Variants in UHRF1 observed in about 807,000 individuals in gnomAD.
The protein encoded by UHRF1 is E3 ubiquitin-protein ligase UHRF1.
A neutral mutation model predicts 96.5 loss-of-function variants in UHRF1; 9 were observed. The observed-to-expected ratio is 0.09, with a 90% CI of 0.06 to 0.16. The LOEUF (loss-of-function observed/expected upper bound fraction) is 0.16. Among genes scored for constraint, UHRF1 ranks in the 10% least tolerant of loss-of-function variants. The pLI, the probability that UHRF1 is intolerant of heterozygous loss-of-function variation, is 1.00. For synonymous variants in UHRF1, 455 were observed against 469.9 expected (o/e 0.97, Z 0.41); for missense variants, 626 against 1,131.1 (o/e 0.55, Z 6.40).
At position 4,930,626 on chromosome 19, in the gene UHRF1, C is replaced by A; in HGVS notation, c.409-90C>A. ...GGGCATTCGAGTTTGCGCCCTGGTTCCAGAGCATCCCAGTGTCCGAGAACC... is the reference window on the plus strand; with the variant it reads ...GGGCATTCGAGTTTGCGCCCTGGTTACAGAGCATCCCAGTGTCCGAGAACC... On this transcript the variant is annotated intron_variant, in intron 3 of 16. Coordinates refer to ENST00000650932, the MANE Select transcript of UHRF1 (RefSeq NM_001048201.3). The surrounding 1 kb of genome is among the most constrained non-coding windows in gnomAD (Gnocchi z 4.4). 1 of 1,473,160 alleles carries A rather than the reference C, an allele frequency of 6.8e-7. No individual in the cohort carries two copies. The highest frequency in any genetic ancestry group is 9.2e-7 in the Non-Finnish European group (1 of 1,085,820). The allele number at this position is 1,473,160 out of a possible 1,614,324, so 91.3% of individuals were successfully genotyped here.
intron 10 of UHRF1, among the ~76,000 whole-genome samples, chr19:4,946,494 A>G (rs1389614199): frequency 6.6e-6 from 1 of 151,988 alleles, no homozygotes; most frequent in African/African-American, 2.4e-5. Flanking sequence ...CTGTACAAGT[A>G]TCTCCAGCCC....
chr19:4,912,642 T>C (rs187245435), intron 2 of UHRF1, among the ~76,000 whole-genome samples: 193 of 152,318 alleles, frequency 1.3e-3, no homozygotes, highest in Admixed American at 0.012. Context: ...CCAATCCATC[T>C]TTTTGGGATG....
rs977917246 is a variant in UHRF1 at position 4,956,789 on chromosome 19, C to T, written c.2211C>T (p.Thr737=). ...AGCTGGTGTTCCGGCCCATCACGAC[C>T]GTGTGCCAGCACAACGTGTGCAAGG... ...CQELVFRPIT[T]VCQHNVCKDC... is the part of the protein sequence containing the mutation. The change falls in exon 16 of 17, where the codon ACC becomes ACT. Residue 737 remains threonine (T), a synonymous_variant. Transcript: ENST00000650932. The T allele has an allele frequency of 1.2e-5, 19 of 1,609,322 alleles. No homozygotes were observed. Among genetic ancestry groups the T allele is most frequent in the Middle Eastern group, 1.6e-4 (1 of 6,074 alleles).
At chr19:4,953,268 C>T (rs1307097062) in intron 13 of UHRF1, among the ~76,000 whole-genome samples, 7 of 152,136 alleles carry the variant, frequency 4.6e-5, no homozygotes, top group Admixed American at 2.0e-4. Context: ...GGGGACACTT[C>T]GAAGGTCCTC....
intron 16 of UHRF1, 57 bp downstream of exon 16, chr19:4,956,870 T>A: frequency 8.0e-7 from 1 of 1,248,998 alleles, no homozygotes; most frequent in Non-Finnish European, 1.1e-6. Context: ...TGACCTGACC[T>A]CCCGTTCCCA....
rs764881716 is a variant in UHRF1, at chr19:4,932,764, A to G, written c.593A>G (p.Gln198Arg). Residue 198 changes from glutamine to arginine, a missense_variant, in exon 5 of 17, where the codon CAG becomes CGG. Physicochemically the swap from Gln to Arg is conservative, Grantham distance 43 (BLOSUM62 1). Around this residue, in one of 11 missense-constraint regions of UHRF1, gnomAD observed 198 missense variants for 235.1 expected, o/e 0.84. Transcript: ENST00000650932. ...YDDYPENGVV[Q>R]MNSRDVRARA... ...AGCTACCCGGAGAACGGCGTGGTCC[A>G]GATGAACTCCAGGGACGTCCGAGCG... The G allele has an allele frequency of 1.2e-6, 2 of 1,613,886 alleles. No individual in the cohort carries two copies. The highest frequency in any genetic ancestry group is 1.7e-6 in the Non-Finnish European group (2 of 1,179,880).
At chr19:4,941,649 T>TC (rs1286316499) in intron 6 of UHRF1, 21 bp downstream of exon 6, 4 of 1,607,180 alleles carry the variant, frequency 2.5e-6, no homozygotes, top group Non-Finnish European at 3.4e-6. Context: ...AGCCAGCCTT[T>TC]CCCCATCTTC....
At chr19:4,949,791 T>C (rs1341080356) in intron 11 of UHRF1, among the ~76,000 whole-genome samples, 1 of 152,012 alleles carries the variant, frequency 6.6e-6, no homozygotes, top group Non-Finnish European at 1.5e-5. Flanking sequence ...GGCGTGATCA[T>C]GCCATTGCAT....
At chr19:4,935,737 C>G (rs2033197152) in intron 5 of UHRF1, among the ~76,000 whole-genome samples, 1 of 152,094 alleles carries the variant, frequency 6.6e-6, no homozygotes, top group African/African-American at 2.4e-5. Flanking sequence ...AGTCCGTCAG[C>G]TCTGCTGTAT....
At chr19:4,951,192 G>T (rs2033708959) in intron 13 of UHRF1, among the ~76,000 whole-genome samples, 196 bp downstream of exon 13, 1 of 152,216 alleles carries the variant, frequency 6.6e-6, no homozygotes, top group Non-Finnish European at 1.5e-5. Context: ...CTTGAACCCA[G>T]AAGGTGGAGG....
chr19:4,924,823 TAA>T (rs960966019), intron 2 of UHRF1, among the ~76,000 whole-genome samples: 3 of 148,296 alleles, frequency 2.0e-5, no homozygotes, highest in African/African-American at 7.7e-5. Flanking sequence ...CCCTTGGTGT[TAA>T]GTTTTTTTTT....
intron 11 of UHRF1, among the ~76,000 whole-genome samples, chr19:4,947,727 C>T (rs2033611652): frequency 6.6e-6 from 1 of 151,208 alleles, no homozygotes; most frequent in Non-Finnish European, 1.5e-5. Context: ...TCTCGAACTC[C>T]TGACCTCAGG....
chr19:4,917,339 C>CT (rs1199097570), intron 2 of UHRF1, among the ~76,000 whole-genome samples: 3 of 151,110 alleles, frequency 2.0e-5, no homozygotes, highest in Admixed American at 6.6e-5. Context: ...TTTTTCTTTT[C>CT]TTTTTTTTGC....
Position 4,944,152 on chromosome 19 carries a change from A to G in UHRF1, c.1094A>G (p.Asn365Ser). The G allele has an allele frequency of 6.2e-7, 1 of 1,613,976 alleles. No individual in the cohort carries two copies. Among genetic ancestry groups the G allele is most frequent in the Non-Finnish European group, 8.5e-7 (1 of 1,179,884 alleles). Residue 365 changes from asparagine (N) to serine (S), a missense_variant, in exon 8 of 17, where the codon AAT becomes AGT. Coordinates refer to ENST00000650932, the MANE Select transcript of UHRF1 (RefSeq NM_001048201.3). Reference protein sequence around the residue: ...EDEWYCPECRNDASEVVLAGE... With the variant: ...EDEWYCPECRSDASEVVLAGE... ...CGCAGGTACTGCCCTGAGTGCCGGA[A>G]TGATGCCAGCGAGGTGGTACTGGCG...
upstream of UHRF1, among the ~76,000 whole-genome samples, chr19:4,905,586 C>T (rs538885746): frequency 4.6e-5 from 7 of 151,848 alleles, no homozygotes; most frequent in African/African-American, 1.5e-4. Context: ...GGTGCAATCT[C>T]GGCTCACTGT....
At chr19:4,915,546 C>G (rs2032463074) in intron 2 of UHRF1, among the ~76,000 whole-genome samples, 1 of 152,088 alleles carries the variant, frequency 6.6e-6, no homozygotes, top group African/African-American at 2.4e-5. Flanking sequence ...AACCCCGTCT[C>G]TACTAAAAAT....
chr19:4,926,891 C>T lies in UHRF1; in HGVS notation c.154-2331C>T, dbSNP rs140034408. On this transcript the variant is annotated intron_variant, in intron 2 of 16. Coordinates refer to ENST00000650932, the MANE Select transcript of UHRF1 (RefSeq NM_001048201.3). ...CATTCTGGCTAACATGGTGAAACCC[C>T]ACCTCTACTAAAAATACAAAAATTA... 1.9e-3 allele frequency among the ~76,000 whole-genome samples: 283 copies of T among 152,140 alleles called. 2 individuals are homozygous for T. Among genetic ancestry groups the T allele is most frequent in the African/African-American group, 6.6e-3 (276 of 41,510 alleles).
At chr19:4,916,728 G>A (rs372182469) in intron 2 of UHRF1, among the ~76,000 whole-genome samples, 6 of 152,244 alleles carry the variant, frequency 3.9e-5, no homozygotes, top group East Asian at 3.9e-4. Context: ...CTCTCCCTCC[G>A]TCTGTCTTGC....
intron 5 of UHRF1, among the ~76,000 whole-genome samples, chr19:4,937,166 A>G (rs373372544): frequency 2.0e-5 from 3 of 152,130 alleles, no homozygotes; most frequent in African/African-American, 7.2e-5. Context: ...ATCACACAGT[A>G]TGTAACCTTT....
Sources: allele counts gnomAD v4.1 joint callset (sites outside exome capture counted in the v4.1 genomes callset), GRCh38; gene constraint gnomAD v4.1.1; regional missense constraint gnomAD v4.1.1; non-coding constraint Gnocchi (gnomAD v3.1); transcripts MANE v1.5; gene names NCBI Gene and HGNC (gene_info 2026-07-23, HGNC 2026-07-21).